Variants in LMOD2 observed in about 807,000 individuals in gnomAD.
The protein encoded by LMOD2 is leiomodin 2.
A neutral mutation model predicts 41.7 loss-of-function variants in LMOD2; 27 were observed. The observed-to-expected ratio is 0.65, with a 90% CI of 0.48 to 0.89. The LOEUF is 0.89. Ranked by LOEUF, LMOD2 falls within the 40% of genes least tolerant of loss-of-function variation. The pLI, the probability that LMOD2 is intolerant of heterozygous loss-of-function variation, is 0.00. For missense variants in LMOD2, 624 were observed against 667.9 expected, an observed-to-expected ratio of 0.93 and a Z score of 0.72; for synonymous variants, 251 against 244.6, an observed-to-expected ratio of 1.03 and a Z score of -0.25.
chr7:123,656,389 A>G (rs189512487), intron 1 of LMOD2, among the ~76,000 whole-genome samples, 153 bp downstream of exon 1: 12 of 152,336 alleles, frequency 7.9e-5, no homozygotes, highest in Non-Finnish European at 1.8e-4. Flanking sequence ...TCAGGCTGAA[A>G]TAATCATGTA....
In LMOD2 at chr7:123,662,492, T is replaced by C. The variant is rs1261851255; in HGVS notation, c.906T>C (p.Arg302=). ...LQHNTVLTEL[R]FHNQRHIMGS... is the part of the protein sequence containing the mutation. Reference sequence around the variant, plus strand: ...ACAACACGGTGCTCACGGAGCTGCGTTTCCATAACCAGAGGCACATCATGG... The same window carrying C: ...ACAACACGGTGCTCACGGAGCTGCGCTTCCATAACCAGAGGCACATCATGG... The change falls in exon 2 of 3, where the codon CGT becomes CGC. Residue 302 remains arginine, a synonymous_variant. Transcript: ENST00000458573. This position sits in a 1 kb window ranked among gnomAD's most constrained non-coding sequence, Gnocchi z 4.0. 7 of 1,613,890 alleles carry C rather than the reference T, an allele frequency of 4.3e-6. No homozygotes were observed. The highest frequency in any genetic ancestry group is 5.9e-6 in the Non-Finnish European group (7 of 1,179,870).
intron 1 of LMOD2, among the ~76,000 whole-genome samples, chr7:123,657,991 TAAA>T (rs10693592): frequency 3.3e-5 from 3 of 90,572 alleles, no homozygotes; most frequent in Admixed American, 1.4e-4. Context: ...CTTGTCTCAT[TAAA>T]AAAAAAAAAA....
chr7:123,659,242 T>C (rs941075883), intron 1 of LMOD2, among the ~76,000 whole-genome samples: 9 of 152,118 alleles, frequency 5.9e-5, no homozygotes, highest in African/African-American at 2.2e-4. Context: ...TCCCACCTCC[T>C]TATTCTATAC....
At chr7:123,656,912 T>C (rs964494800) in intron 1 of LMOD2, among the ~76,000 whole-genome samples, 1 of 152,214 alleles carries the variant, frequency 6.6e-6, no homozygotes, top group Non-Finnish European at 1.5e-5. Context: ...TGATAAGTTA[T>C]GAACCTTCTT....
intron 1 of LMOD2, among the ~76,000 whole-genome samples, chr7:123,660,307 CCTCT>C (rs748951399): frequency 1.3e-3 from 143 of 111,110 alleles, no homozygotes; most frequent in African/African-American, 3.5e-3. Context: ...TCTCTCTCTC[CCTCT>C]CTCTCTCTCT....
chr7:123,663,478 A>C (rs1802925250), intron 2 of LMOD2: 2 of 603,212 alleles, frequency 3.3e-6, no homozygotes, highest in Non-Finnish European at 5.8e-6. Flanking sequence ...TAAGAAGAAA[A>C]CCAGGGAATA....
chr7:123,663,342 G>A, intron 2 of LMOD2, 139 bp downstream of exon 2: 2 of 1,099,734 alleles, frequency 1.8e-6, no homozygotes, highest in Non-Finnish European at 1.3e-6. Flanking sequence ...AACACACCAA[G>A]TTTGAAACAT....
At chr7:123,661,519 G>C (rs1021383528) in intron 1 of LMOD2, among the ~76,000 whole-genome samples, 2 of 152,120 alleles carry the variant, frequency 1.3e-5, no homozygotes, top group African/African-American at 2.4e-5. Context: ...AGTAAGAGTC[G>C]GTCCTCAGGA....
intron 1 of LMOD2, among the ~76,000 whole-genome samples, chr7:123,659,110 A>G (rs1249894055): frequency 6.6e-6 from 1 of 152,200 alleles, no homozygotes; most frequent in Non-Finnish European, 1.5e-5. Flanking sequence ...TGAATGTGAT[A>G]TGTACATACA....
Position 123,663,876 on chromosome 7 carries a change from T to G in LMOD2, c.*131T>G, listed in dbSNP as rs913919895. The G allele has an allele frequency of 1.1e-5, 8 of 699,944 alleles. No individual in the cohort carries two copies. The highest frequency in any genetic ancestry group is 1.9e-5 in the Non-Finnish European group (8 of 424,478). 43.4% of individuals were successfully genotyped at this position (699,944 alleles called of 1,614,324 possible). On this transcript the variant is annotated 3_prime_UTR_variant, in exon 3 of 3. Transcript: ENST00000458573. ...TTTAAAAATAATCTCACCCATTAATTCCAAAGAGAATCTTAAGAAACAATC... is the reference window on the plus strand; with the variant it reads ...TTTAAAAATAATCTCACCCATTAATGCCAAAGAGAATCTTAAGAAACAATC...
intron 2 of LMOD2, 78 bp downstream of exon 2, chr7:123,663,281 C>G: frequency 6.9e-7 from 1 of 1,453,594 alleles, no homozygotes; most frequent in Non-Finnish European, 9.2e-7. Context: ...GTACCAAAGT[C>G]ACCTCTCACA....
intron 1 of LMOD2, among the ~76,000 whole-genome samples, chr7:123,659,831 T>C (rs1802844885): frequency 1.3e-5 from 2 of 152,228 alleles, no homozygotes; most frequent in South Asian, 2.1e-4. Context: ...CTGGGAGATC[T>C]ATCATTTAGA....
At chr7:123,663,403 G>C in intron 2 of LMOD2, 200 bp downstream of exon 2, 1 of 699,776 alleles carries the variant, frequency 1.4e-6, no homozygotes, top group Non-Finnish European at 2.3e-6. Context: ...GAACGCCTGG[G>C]CCGCTTTCCC....
chr7:123,663,295 C>T (rs1275049545), intron 2 of LMOD2, 92 bp downstream of exon 2: 3 of 1,380,878 alleles, frequency 2.2e-6, no homozygotes, highest in East Asian at 2.5e-5. Context: ...TCTCACAATA[C>T]TTATCAATAC....
chr7:123,663,100 A>C lies in LMOD2; in HGVS notation c.1514A>C (p.Glu505Ala). ...AAAAATTCTCTGAGGTCAGTGCAAG[A>C]GAAGAAAATGGAAGACAGTTCCCGA... Reference protein sequence around the residue: ...EIKNSLRSVQEKKMEDSSRPS... With the variant: ...EIKNSLRSVQAKKMEDSSRPS... Residue 505 changes from glutamate (E) to alanine (A), a missense_variant, in exon 2 of 3, where the codon GAG (glutamate) becomes GCG (alanine). By Grantham distance (107) the Glu-to-Ala change is moderately radical (BLOSUM62 -1). Transcript: ENST00000458573. 6.4e-7 allele frequency: 1 copy of C among 1,562,840 alleles called. No individual in the cohort carries two copies.
chr7:123,661,224 G>A (rs1802870381), intron 1 of LMOD2, among the ~76,000 whole-genome samples: 1 of 152,192 alleles, frequency 6.6e-6, no homozygotes, highest in South Asian at 2.1e-4. Flanking sequence ...GTAGAGCCCT[G>A]TGCCGGGCTC....
In LMOD2 at chr7:123,662,486, G is replaced by C; in HGVS notation, c.900G>C (p.Glu300Asp). 6.2e-7 allele frequency: 1 copy of C among 1,613,966 alleles called. No homozygotes were observed. Residue 300 changes from glutamate (E) to aspartate (D), a missense_variant, in exon 2 of 3, where the codon GAG becomes GAC. Coordinates refer to ENST00000458573, the MANE Select transcript of LMOD2 (RefSeq NM_207163.3). This position sits in a 1 kb window ranked among gnomAD's most constrained non-coding sequence, Gnocchi z 4.0. ...RALQHNTVLTELRFHNQRHIM... is the reference protein window; with the variant it reads ...RALQHNTVLTDLRFHNQRHIM... Reference sequence around the variant, plus strand: ...TCCAGCACAACACGGTGCTCACGGAGCTGCGTTTCCATAACCAGAGGCACA... The same window carrying C: ...TCCAGCACAACACGGTGCTCACGGACCTGCGTTTCCATAACCAGAGGCACA...
intron 2 of LMOD2, 148 bp from the exon 3 acceptor site, chr7:123,663,571 T>C (rs2116739939): frequency 1.4e-6 from 1 of 701,226 alleles, no homozygotes; most frequent in Non-Finnish European, 2.4e-6. Context: ...ATTTATAACA[T>C]AAAATTTATA....
chr7:123,657,923 G>A (rs1414406344), intron 1 of LMOD2, among the ~76,000 whole-genome samples: 1 of 147,582 alleles, frequency 6.8e-6, no homozygotes, highest in African/African-American at 2.5e-5. Flanking sequence ...ATGGGAGGTT[G>A]AGGCTGCAGT....
Sources: gnomAD v4.1 joint callset for allele counts (sites outside exome capture counted in the v4.1 genomes callset) on GRCh38, gnomAD v4.1.1 for gene constraint, Gnocchi (gnomAD v3.1) non-coding constraint, MANE v1.5 for transcripts, NCBI Gene and HGNC (gene_info 2026-07-23, HGNC 2026-07-21) for gene names.